C12orf42: variants seen among roughly 807,000 people sequenced by gnomAD.
C12orf42 encodes chromosome 12 open reading frame 42.
In C12orf42, 25 loss-of-function variants were observed where a neutral mutation model predicts 21.6. That is an observed-to-expected ratio of 1.16 (90% CI 0.84 to 1.62). The LOEUF (loss-of-function observed/expected upper bound fraction) is 1.62, where lower values mean the gene tolerates loss of function less well. Ranked by LOEUF, C12orf42 falls within the 40% of genes most tolerant of loss-of-function variation. The pLI is 0.00. For synonymous variants in C12orf42, 174 were observed against 175.0 expected, an observed-to-expected ratio of 0.99 and a Z score of 0.05; for missense variants, 483 against 459.3, an observed-to-expected ratio of 1.05 and a Z score of -0.47.
chr12:103,408,290 G>A (rs935029327), intron 2 of C12orf42, among the ~76,000 whole-genome samples: 7 of 152,140 alleles, frequency 4.6e-5, no homozygotes, highest in Non-Finnish European at 7.4e-5. Context: ...CACAAGAGAC[G>A]GAGCAGCAGC....
At chr12:103,383,251 G>A (rs1172451979) in intron 3 of C12orf42, among the ~76,000 whole-genome samples, 1 of 151,818 alleles carries the variant, frequency 6.6e-6, no homozygotes, top group Non-Finnish European at 1.5e-5. Flanking sequence ...ACAGGTGCCT[G>A]CCACCATGCT....
the C12orf42 span, among the ~76,000 whole-genome samples, chr12:103,545,289 C>T: frequency 6.6e-6 from 1 of 152,120 alleles, no homozygotes; most frequent in Non-Finnish European, 1.5e-5. Context: ...TTTTTGTGAA[C>T]AGTTGAAGCA....
At chr12:103,526,732 G>A in the C12orf42 span, among the ~76,000 whole-genome samples, 2 of 152,126 alleles carry the variant, frequency 1.3e-5, no homozygotes, top group African/African-American at 2.4e-5. Flanking sequence ...GTGAAGACAC[G>A]GGGAAAAGAA....
At chr12:103,220,911 T>C in the C12orf42 span, among the ~76,000 whole-genome samples, 1 of 152,190 alleles carries the variant, frequency 6.6e-6, no homozygotes, top group Non-Finnish European at 1.5e-5. Flanking sequence ...CTTTTCCTTC[T>C]TTCATTTCTA....
At chr12:103,544,988 C>T in the C12orf42 span, among the ~76,000 whole-genome samples, 1 of 152,136 alleles carries the variant, frequency 6.6e-6, no homozygotes, top group Non-Finnish European at 1.5e-5. Flanking sequence ...TCCAGTTTTT[C>T]CCCCACTTTC....
chr12:103,106,367 G>A, the C12orf42 span, among the ~76,000 whole-genome samples: 2 of 151,290 alleles, frequency 1.3e-5, no homozygotes, highest in Non-Finnish European at 1.5e-5. Context: ...AAGAAGCAAT[G>A]GTGAAAAAAT....
In C12orf42 at chr12:103,329,616, T is replaced by TAA. The variant is rs568084194; in HGVS notation, c.260-23273_260-23272dup. ...TTAAGAATATGGACTCGGGCCTGCT[T>TAA]AAAAAAAAAAAAAGGCCCAAAGAGA... On this transcript the variant is annotated intron_variant, in intron 4 of 5. Transcript: ENST00000548883. Among the ~76,000 whole-genome samples the TAA allele has an allele frequency of 9.5e-3, 1,328 of 140,082 alleles. 14 individuals carry two copies. Among genetic ancestry groups the TAA allele is most frequent in the African/African-American group, 0.033 (1,257 of 38,398 alleles). 91.9% of individuals were successfully genotyped at this position (140,082 alleles called of 152,430 possible). A position where few individuals can be genotyped will look rare whatever the true frequency, so the allele number is the denominator to read the frequency against.
chr12:103,269,053 A>G (rs1313937515), intron 6 of C12orf42: 1 of 152,154 alleles, frequency 6.6e-6, no homozygotes, highest in Non-Finnish European at 1.5e-5. Flanking sequence ...GAGAGTAACC[A>G]CAAACAAGGA....
chr12:103,523,342 TA>T, the C12orf42 span, among the ~76,000 whole-genome samples: 160 of 152,272 alleles, frequency 1.1e-3, 1 homozygote, highest in African/African-American at 3.6e-3. Context: ...AAACTCATTC[TA>T]AAAATGTTAC....
chr12:103,465,332 T>C (rs932179325), intron 2 of C12orf42, among the ~76,000 whole-genome samples: 3 of 152,206 alleles, frequency 2.0e-5, no homozygotes, highest in Non-Finnish European at 4.4e-5. Flanking sequence ...GTTAGCTGTA[T>C]TCCTAAGTAT....
intron 10 of C12orf42, among the ~76,000 whole-genome samples, chr12:103,260,117 T>G (rs1223729605): frequency 6.6e-6 from 1 of 152,222 alleles, no homozygotes; most frequent in Non-Finnish European, 1.5e-5. Flanking sequence ...TTGTACAATC[T>G]GAATTAATTG....
chr12:103,324,521 T>G (rs940827087), intron 4 of C12orf42, among the ~76,000 whole-genome samples: 2 of 152,194 alleles, frequency 1.3e-5, no homozygotes, highest in Non-Finnish European at 2.9e-5. Flanking sequence ...CAACATGAAC[T>G]GTTTTCTGTT....
At position 103,420,389 on chromosome 12, in the gene C12orf42, C is replaced by T. The variant is rs111679670; in HGVS notation, c.79-18714G>A. On this transcript the variant is annotated intron_variant, in intron 2 of 5. Coordinates refer to ENST00000548883, the MANE Select transcript of C12orf42 (RefSeq NM_198521.5). Reference sequence around the variant, plus strand: ...AACTGCCACATGAGGACGTGGATACCGAGATCTTTGCTAAGTGGTACACTC... The same window carrying T: ...AACTGCCACATGAGGACGTGGATACTGAGATCTTTGCTAAGTGGTACACTC... Among the ~76,000 whole-genome samples, 1,337 of 152,190 alleles carry T rather than the reference C, an allele frequency of 8.8e-3. 19 individuals are homozygous for T. Among genetic ancestry groups the T allele is most frequent in the African/African-American group, 0.03 (1,235 of 41,520 alleles).
chr12:103,066,093 G>T, the C12orf42 span, among the ~76,000 whole-genome samples: 1 of 152,132 alleles, frequency 6.6e-6, no homozygotes, highest in African/African-American at 2.4e-5. Context: ...TTGGAGCAAG[G>T]CCCTGTCATC....
intron 2 of C12orf42, among the ~76,000 whole-genome samples, chr12:103,437,183 A>G (rs1456229142): frequency 1.3e-5 from 2 of 151,986 alleles, no homozygotes; most frequent in Admixed American, 6.6e-5. Context: ...TGAAGGCAGA[A>G]ATAAAGATGT....
the C12orf42 span, among the ~76,000 whole-genome samples, chr12:103,194,209 AG>A: frequency 4.6e-5 from 7 of 152,236 alleles, no homozygotes; most frequent in South Asian, 1.5e-3. Context: ...AAAAACCCAT[AG>A]GTAGCATACT....
chr12:103,148,308 A>G, the C12orf42 span, among the ~76,000 whole-genome samples: 2 of 152,160 alleles, frequency 1.3e-5, no homozygotes, highest in African/African-American at 4.8e-5. Context: ...ATCAAGAGTC[A>G]AGCCCTTAAA....
chr12:103,485,005 G>C (rs540789566), intron 1 of C12orf42, among the ~76,000 whole-genome samples: 4 of 151,742 alleles, frequency 2.6e-5, no homozygotes, highest in Admixed American at 2.6e-4. Flanking sequence ...GAGTACCTGG[G>C]ACTACAAGTG....
At chr12:103,072,603 C>A in the C12orf42 span, among the ~76,000 whole-genome samples, 2 of 151,996 alleles carry the variant, frequency 1.3e-5, no homozygotes, top group South Asian at 4.1e-4. Flanking sequence ...TAGAAAGTGC[C>A]CCCACCCCCG....
Sources: allele counts gnomAD v4.1 joint callset (sites outside exome capture counted in the v4.1 genomes callset), GRCh38; gene constraint gnomAD v4.1.1; transcripts MANE v1.5; gene names NCBI Gene and HGNC (gene_info 2026-07-23, HGNC 2026-07-21).